EYS: variants seen among roughly 807,000 people sequenced by gnomAD.
EYS encodes the protein protein eyes shut homolog.
EYS carries 250 observed loss-of-function variants against 282.1 expected under a neutral mutation model. That is an observed-to-expected ratio of 0.89 (90% CI 0.80 to 0.98). The LOEUF (loss-of-function observed/expected upper bound fraction) is 0.98, where lower values mean the gene tolerates loss of function less well. Among genes scored for constraint, EYS ranks in the 50% least tolerant of loss-of-function variants. EYS has a pLI of 0.00. For missense variants in EYS, 4,016 were observed against 3,709.0 expected (o/e 1.08, Z -2.15); for synonymous variants, 1,355 against 1,282.9 (o/e 1.06, Z -1.20).
chr6:65,531,071 C>A (rs757553537), intron 2 of EYS, among the ~76,000 whole-genome samples: 1 of 151,928 alleles, frequency 6.6e-6, no homozygotes, highest in African/African-American at 2.4e-5. Context: ...GTGTTTTTTA[C>A]GGCACAATGG....
At chr6:64,032,663 G>A (rs568778143) in intron 33 of EYS, among the ~76,000 whole-genome samples, 22 of 152,228 alleles carry the variant, frequency 1.4e-4, no homozygotes, top group African/African-American at 4.8e-4. Context: ...ACAAATTGGG[G>A]GTACACACAG....
intron 14 of EYS, among the ~76,000 whole-genome samples, chr6:64,970,450 G>A (rs995287614): frequency 2.6e-5 from 4 of 152,022 alleles, no homozygotes; most frequent in African/African-American, 9.7e-5. Context: ...TGCTCACCTT[G>A]GCCTCCCAAA....
chr6:64,154,300 C>T (rs150577420), intron 31 of EYS, among the ~76,000 whole-genome samples: 3,616 of 151,934 alleles, frequency 0.024, 127 homozygotes, highest in African/African-American at 0.074. Context: ...ATTAGCTGGG[C>T]GTGGTGGTAC....
intron 22 of EYS, among the ~76,000 whole-genome samples, chr6:64,703,685 G>A (rs1770875806): frequency 6.6e-6 from 1 of 151,688 alleles, no homozygotes; most frequent in Admixed American, 6.6e-5. Context: ...CAGTGTCAAA[G>A]TTCATTGAAC....
chr6:64,995,308 A>C (rs1771213656), intron 14 of EYS, among the ~76,000 whole-genome samples: 2 of 152,156 alleles, frequency 1.3e-5, no homozygotes, highest in Non-Finnish European at 2.9e-5. Flanking sequence ...GGGAGAATAC[A>C]CCTGGAAGAC....
At chr6:63,908,043 T>TAG in intron 35 of EYS, among the ~76,000 whole-genome samples, 1 of 41,542 alleles carries the variant, frequency 2.4e-5, no homozygotes. Flanking sequence ...CGTTTGTGTG[T>TAG]GTGTGTGTGT....
At chr6:64,536,661 G>GGAA (rs1764528076) in intron 26 of EYS, among the ~76,000 whole-genome samples, 1 of 151,768 alleles carries the variant, frequency 6.6e-6, no homozygotes. Flanking sequence ...AAAAGTGAAT[G>GGAA]GAACCATTCA....
At chr6:65,145,980 T>C (rs1188746749) in intron 12 of EYS, among the ~76,000 whole-genome samples, 2 of 151,826 alleles carry the variant, frequency 1.3e-5, no homozygotes, top group Non-Finnish European at 2.9e-5. Flanking sequence ...TTACTCTTTA[T>C]ATATGTTTAT....
intron 24 of EYS, among the ~76,000 whole-genome samples, chr6:64,602,747 C>T (rs2149838983): frequency 6.6e-6 from 1 of 152,036 alleles, no homozygotes; most frequent in South Asian, 2.1e-4. Flanking sequence ...AAACATTTTC[C>T]CCCTTTTCCG....
chr6:65,422,030 A>C (rs902830200), intron 5 of EYS, among the ~76,000 whole-genome samples: 2 of 151,924 alleles, frequency 1.3e-5, no homozygotes, highest in African/African-American at 4.8e-5. Context: ...GGTGTTAGAA[A>C]AACTGGTGCT....
chr6:64,515,240 A>G (rs562464545), intron 26 of EYS, among the ~76,000 whole-genome samples: 4 of 151,714 alleles, frequency 2.6e-5, no homozygotes, highest in Admixed American at 6.6e-5. Flanking sequence ...GAATAATTTT[A>G]TGCTTCTCAA....
At chr6:64,467,927 C>T (rs543453485) in intron 26 of EYS, among the ~76,000 whole-genome samples, 1 of 152,220 alleles carries the variant, frequency 6.6e-6, no homozygotes, top group East Asian at 1.9e-4. Flanking sequence ...ACACTGCTGC[C>T]ACTCATGGGC....
At chr6:64,428,402 A>G (rs1170951101) in intron 28 of EYS, among the ~76,000 whole-genome samples, 4 of 152,158 alleles carry the variant, frequency 2.6e-5, no homozygotes, top group Non-Finnish European at 5.9e-5. Context: ...GGCAAGCTAG[A>G]ATTACAGCTG....
rs141178850 is a variant in EYS at position 65,538,864 on chromosome 6, C to G, written c.-332-42871G>C. 2.2e-4 allele frequency among the ~76,000 whole-genome samples: 33 copies of G among 152,246 alleles called. No homozygotes were observed. In the East Asian group the frequency reaches 6.4e-3, roughly 29 times the overall value. ...CCTGCCTTCACTCACTGCATTCCAGCCATACTAGTGTTGCTACACCTTGAG... is the reference window on the plus strand; with the variant it reads ...CCTGCCTTCACTCACTGCATTCCAGGCATACTAGTGTTGCTACACCTTGAG... On this transcript the variant is annotated intron_variant, in intron 2 of 42. Coordinates refer to ENST00000503581, the MANE Select transcript of EYS (RefSeq NM_001142800.2).
chr6:65,078,162 C>A (rs1027350433), intron 12 of EYS, among the ~76,000 whole-genome samples: 2 of 151,984 alleles, frequency 1.3e-5, no homozygotes, highest in African/African-American at 4.8e-5. Flanking sequence ...ATCTAAACAG[C>A]CTATTGTATT....
chr6:63,988,307 G>T (rs1331842274), intron 34 of EYS, among the ~76,000 whole-genome samples: 1 of 151,622 alleles, frequency 6.6e-6, no homozygotes, highest in African/African-American at 2.4e-5. Flanking sequence ...GTTTTGACAA[G>T]TGTGCTCTTT....
At chr6:64,359,983 C>A (rs1415385784) in intron 29 of EYS, among the ~76,000 whole-genome samples, 1 of 151,666 alleles carries the variant, frequency 6.6e-6, no homozygotes, top group Non-Finnish European at 1.5e-5. Context: ...AATTGTAACT[C>A]TCTGAAGCTC....
chr6:65,383,516 A>G (rs1332091408), intron 8 of EYS, among the ~76,000 whole-genome samples: 2 of 151,728 alleles, frequency 1.3e-5, no homozygotes, highest in Non-Finnish European at 2.9e-5. Context: ...TATCAAAACC[A>G]TACCATTTTA....
intron 26 of EYS, among the ~76,000 whole-genome samples, chr6:64,571,141 C>T (rs1188563478): frequency 6.6e-6 from 1 of 152,144 alleles, no homozygotes; most frequent in Non-Finnish European, 1.5e-5. Context: ...CAAAACCACA[C>T]AACTACATGG....
Sources: allele counts gnomAD v4.1 joint callset (sites outside exome capture counted in the v4.1 genomes callset), GRCh38; gene constraint gnomAD v4.1.1; transcripts MANE v1.5; gene names NCBI Gene and HGNC (gene_info 2026-07-23, HGNC 2026-07-21).